BLNK: variants seen among roughly 807,000 people sequenced by gnomAD.
BLNK encodes B-cell linker protein.
In BLNK, 29 loss-of-function variants were observed where a neutral mutation model predicts 73.5. The observed-to-expected ratio is 0.39, with a 90% CI of 0.29 to 0.54. BLNK has a LOEUF of 0.54. Among genes scored for constraint, BLNK ranks in the 20% least tolerant of loss-of-function variants. The pLI is 0.61. For missense variants in BLNK, 460 were observed against 562.8 expected (o/e 0.82, Z 1.85); for synonymous variants, 176 against 200.8 (o/e 0.88, Z 1.04).
intron 12 of BLNK, 142 bp downstream of exon 12, chr10:96,204,389 CT>C (rs35868270): frequency 3.0e-6 from 3 of 1,008,990 alleles, no homozygotes; most frequent in African/African-American, 1.6e-5. Context: ...TGCTCAACAC[CT>C]TTTAACACGT....
At position 96,216,538 on chromosome 10, in the gene BLNK, G is replaced by C. The variant is rs1251623044; in HGVS notation, c.607+115C>G. 5 of 887,792 alleles carry C rather than the reference G, an allele frequency of 5.6e-6. No individual in the cohort carries two copies. The African/African-American group carries it at 6.6e-5, about 12-fold the overall frequency. 55.0% of individuals were successfully genotyped at this position (887,792 alleles called of 1,614,324 possible). On this transcript the variant is annotated intron_variant, in intron 7 of 16. Transcript: ENST00000224337. ...AAGAAGCACACACTGTGGCCCAGGG[G>C]AGAAAGTCCTGGGCACTGTCATTTC...
intron 8 of BLNK, among the ~76,000 whole-genome samples, chr10:96,212,678 T>C (rs587772504): frequency 6.6e-6 from 1 of 152,310 alleles, no homozygotes; most frequent in Admixed American, 6.5e-5. Context: ...AGAGCAATAT[T>C]GACCAGAGGA....
At position 96,216,648 on chromosome 10, in the gene BLNK, C is replaced by T. The variant is rs782348426; in HGVS notation, c.607+5G>A. On this transcript the variant is annotated splice_donor_5th_base_variant and intron_variant, in intron 7 of 16. Coordinates refer to ENST00000224337, the MANE Select transcript of BLNK (RefSeq NM_013314.4). Reference sequence around the variant, plus strand: ...TTTCAGGTGCTTAAGGCGACAAACTCTTACCTTTTTCAGGTGGAGGTGAAC... The same window carrying T: ...TTTCAGGTGCTTAAGGCGACAAACTTTTACCTTTTTCAGGTGGAGGTGAAC... 1 of 1,613,936 alleles carries T rather than the reference C, an allele frequency of 6.2e-7. No homozygotes were observed. The highest frequency in any genetic ancestry group is 1.3e-5 in the African/African-American group (1 of 75,038).
Position 96,252,651 on chromosome 10 carries a change from A to G in BLNK, c.48-5602T>C, listed in dbSNP as rs556925009. On this transcript the variant is annotated intron_variant, in intron 1 of 16. Transcript: ENST00000224337. ...AATTCAGACTAACCTCTGCTTATAT[A>G]TTTTAATTTATTTTATAGTCATGTA... Among the ~76,000 whole-genome samples the G allele has an allele frequency of 1.4e-4, 22 of 152,206 alleles. No homozygotes were observed. The South Asian group carries it at 4.4e-3, about 30-fold the overall frequency.
At chr10:96,258,327 A>G (rs1337119253) in intron 1 of BLNK, among the ~76,000 whole-genome samples, 1 of 152,164 alleles carries the variant, frequency 6.6e-6, no homozygotes, top group Non-Finnish European at 1.5e-5. Flanking sequence ...AGATGCAGAT[A>G]CTGAAGCCCA....
chr10:96,213,540 A>G (rs1265842537), intron 8 of BLNK, among the ~76,000 whole-genome samples: 3 of 152,226 alleles, frequency 2.0e-5, no homozygotes, highest in Non-Finnish European at 4.4e-5. Context: ...AAAAGTGAGA[A>G]CACAAAGACC....
intron 4 of BLNK, 41 bp from the exon 5 acceptor site, chr10:96,227,607 CT>C (rs1554902858): frequency 6.2e-7 from 1 of 1,612,624 alleles, no homozygotes; most frequent in Non-Finnish European, 8.5e-7. Flanking sequence ...GCATCCCCGT[CT>C]GTGCTGCCTG....
intron 1 of BLNK, among the ~76,000 whole-genome samples, chr10:96,250,147 C>T (rs1194296200): frequency 6.6e-6 from 1 of 152,048 alleles, no homozygotes; most frequent in African/African-American, 2.4e-5. Flanking sequence ...AGTGTAAGAG[C>T]TCAGGAAAGA....
At chr10:96,194,040 G>A (rs899761288) in intron 16 of BLNK, among the ~76,000 whole-genome samples, 1 of 152,214 alleles carries the variant, frequency 6.6e-6, no homozygotes, top group Non-Finnish European at 1.5e-5. Context: ...TGTTGGAAGT[G>A]AGGTGAAGCT....
chr10:96,216,657 T>C lies in BLNK; in HGVS notation c.603A>G (p.Glu201=). ...CTTAAGGCGACAAACTCTTACCTTT[T>C]TCAGGTGGAGGTGAACTGCTTTCTG... The part of the protein sequence containing the change: ...HPTESSSPPP[E]KAPMVNRSTK... Residue 201 remains glutamate (E), a synonymous_variant, in exon 7 of 17, where the codon GAA becomes GAG. Transcript: ENST00000224337. The C allele has an allele frequency of 1.2e-6, 2 of 1,614,096 alleles. No homozygotes were observed. The highest frequency in any genetic ancestry group is 8.5e-7 in the Non-Finnish European group (1 of 1,179,950).
chr10:96,233,807 C>G (rs1412565524), intron 3 of BLNK, among the ~76,000 whole-genome samples: 1 of 152,194 alleles, frequency 6.6e-6, no homozygotes, highest in Non-Finnish European at 1.5e-5. Context: ...AAAATAAGGC[C>G]TATCTAATTT....
chr10:96,244,396 TA>T (rs1272383985), intron 2 of BLNK, among the ~76,000 whole-genome samples: 3 of 152,096 alleles, frequency 2.0e-5, no homozygotes, highest in African/African-American at 7.2e-5. Context: ...AATCTCAGAA[TA>T]AAGGAAAAAC....
intron 3 of BLNK, among the ~76,000 whole-genome samples, chr10:96,234,717 T>C (rs587697538): frequency 8.5e-5 from 13 of 152,306 alleles, no homozygotes; most frequent in Non-Finnish European, 1.5e-4. Flanking sequence ...TTGCAAAGAA[T>C]GCCTCAATTA....
At chr10:96,222,838 G>A (rs2084229511) in intron 6 of BLNK, among the ~76,000 whole-genome samples, 1 of 152,212 alleles carries the variant, frequency 6.6e-6, no homozygotes, top group Non-Finnish European at 1.5e-5. Flanking sequence ...GGTGGCGACA[G>A]TGTTACAGTG....
intron 6 of BLNK, among the ~76,000 whole-genome samples, chr10:96,223,557 T>C (rs1446624609): frequency 1.3e-5 from 2 of 152,088 alleles, no homozygotes; most frequent in Admixed American, 6.5e-5. Context: ...AAGAAGAGAT[T>C]CACAGGAAAC....
At chr10:96,247,616 A>G (rs1843102861) in intron 1 of BLNK, among the ~76,000 whole-genome samples, 2 of 152,228 alleles carry the variant, frequency 1.3e-5, no homozygotes, top group Admixed American at 1.3e-4. Context: ...GAACTGAATC[A>G]AATGGAAAAC....
intron 3 of BLNK, among the ~76,000 whole-genome samples, chr10:96,236,111 C>T (rs976265307): frequency 6.6e-6 from 1 of 152,050 alleles, no homozygotes; most frequent in Non-Finnish European, 1.5e-5. Context: ...ATGAATCCAG[C>T]CTCTCAGTTC....
chr10:96,227,496 G>A lies in BLNK; in HGVS notation c.275C>T (p.Ala92Val). Residue 92 changes from alanine (A) to valine (V), a missense_variant, in exon 5 of 17, where the codon GCT becomes GTT. Physicochemically the swap from Ala to Val is moderately conservative, Grantham distance 64. This residue lies in a region of BLNK where 139 missense variants were observed against 187.3 expected (regional missense o/e 0.74). Transcript: ENST00000224337. ...TGGAGGCGGCTCGTAGCTGTCATCA[G>A]CGTTCTCCTCGGCGGGCATCACGTA... ...EMYVMPAEEN[A>V]DDSYEPPPVE... The A allele has an allele frequency of 1.2e-6, 2 of 1,614,216 alleles. No individual in the cohort carries two copies. Among genetic ancestry groups the A allele is most frequent in the Non-Finnish European group, 1.7e-6 (2 of 1,180,052 alleles).
intron 15 of BLNK, among the ~76,000 whole-genome samples, chr10:96,198,585 A>G (rs376609151): frequency 7.9e-4 from 121 of 152,376 alleles, no homozygotes; most frequent in African/African-American, 2.7e-3. Context: ...AGAGCTTCAT[A>G]CAGAACAACA....
Sources: gnomAD v4.1 joint callset for allele counts (sites outside exome capture counted in the v4.1 genomes callset) on GRCh38, gnomAD v4.1.1 for gene constraint, gnomAD v4.1.1 regional missense constraint, MANE v1.5 for transcripts, NCBI Gene and HGNC (gene_info 2026-07-23, HGNC 2026-07-21) for gene names.